The following SHISA9 variants were observed in gnomAD, a reference collection of about 807,000 sequenced individuals.
SHISA9 encodes the protein shisa family member 9.
A neutral mutation model predicts 38.0 loss-of-function variants in SHISA9; 13 were observed. The observed-to-expected ratio is 0.34, with a 90% CI of 0.22 to 0.54. The LOEUF is 0.54. Among genes scored for constraint, SHISA9 ranks in the 20% least tolerant of loss-of-function variants. SHISA9 has a pLI of 0.91. For missense variants in SHISA9, 538 were observed against 575.8 expected, an observed-to-expected ratio of 0.93 and a Z score of 0.67; for synonymous variants, 275 against 242.0, an observed-to-expected ratio of 1.14 and a Z score of -1.27.
chr16:12,910,333 T>C (rs1034609289), intron 1 of SHISA9: 2 of 271,634 alleles, frequency 7.4e-6, no homozygotes, highest in Non-Finnish European at 1.1e-5. Context: ...ATTCATTCGA[T>C]AGGTATTTAC....
chr16:13,216,216 AAT>A (rs201235226), intron 4 of SHISA9, among the ~76,000 whole-genome samples: 4 of 130,222 alleles, frequency 3.1e-5, no homozygotes, highest in Non-Finnish European at 4.8e-5. Flanking sequence ...AGAGAGAGAC[AAT>A]TTGGATATGA....
At position 12,939,849 on chromosome 16, in the gene SHISA9, CTCAT is replaced by C. The variant is rs112184863; in HGVS notation, c.691+23037_691+23040del. ...TTAATGTAAGTTCTCTCCGCAGAAC[CTCAT>C]TCTCTTGAGACAGCAATGCTGAGAA... is the stretch of plus-strand genomic sequence containing the variant. On this transcript the variant is annotated intron_variant, in intron 2 of 4. Transcript: ENST00000558583. 3.9e-3 allele frequency among the ~76,000 whole-genome samples: 592 copies of C among 152,298 alleles called. 4 individuals carry two copies. Among genetic ancestry groups the C allele is most frequent in the African/African-American group, 0.013 (553 of 41,554 alleles).
chr16:12,936,271 G>A (rs1002023766), intron 2 of SHISA9, among the ~76,000 whole-genome samples: 1 of 152,138 alleles, frequency 6.6e-6, no homozygotes, highest in African/African-American at 2.4e-5. Context: ...GCCTTTTGAG[G>A]GTTGCTAGGA....
chr16:13,029,233 C>T (rs1037207378), intron 2 of SHISA9, among the ~76,000 whole-genome samples: 4 of 152,168 alleles, frequency 2.6e-5, no homozygotes, highest in Non-Finnish European at 5.9e-5. Flanking sequence ...TTGGAAGCAA[C>T]CTAAGTGTCC....
rs2051389085 is a variant in SHISA9, at chr16:13,236,779, C to T, written c.*1370C>T. 6.6e-6 allele frequency: 1 copy of T among 152,194 alleles called. No individual in the cohort carries two copies. Among genetic ancestry groups the T allele is most frequent in the Non-Finnish European group, 1.5e-5 (1 of 68,056 alleles). 9.4% of individuals were successfully genotyped at this position (152,194 alleles called of 1,614,324 possible). On this transcript the variant is annotated 3_prime_UTR_variant, in exon 5 of 5. Transcript: ENST00000558583. ...TACTCTCTACACTATCAAAATTAGT[C>T]CTTCCATTTTCTAGCCCTCTCAAAC...
At chr16:13,324,523 A>G in the SHISA9 span, among the ~76,000 whole-genome samples, 1 of 152,166 alleles carries the variant, frequency 6.6e-6, no homozygotes, top group Non-Finnish European at 1.5e-5. Flanking sequence ...ATGTAATATT[A>G]GTTAAGTAAT....
At chr16:13,163,872 G>C (rs1297539595) in intron 2 of SHISA9, among the ~76,000 whole-genome samples, 4 of 151,152 alleles carry the variant, frequency 2.6e-5, no homozygotes, top group Non-Finnish European at 5.9e-5. Flanking sequence ...AGTTGTAATA[G>C]TTTTTTTTTA....
the SHISA9 span, among the ~76,000 whole-genome samples, chr16:13,279,834 A>G: frequency 3.3e-5 from 5 of 151,902 alleles, no homozygotes; most frequent in East Asian, 1.9e-4. Context: ...CTGAAGAATT[A>G]TCTGTTTTAG....
chr16:13,314,662 G>A, the SHISA9 span, among the ~76,000 whole-genome samples: 2 of 151,768 alleles, frequency 1.3e-5, no homozygotes, highest in African/African-American at 4.8e-5. Flanking sequence ...TGAACCCATC[G>A]CCACAATCAA....
At chr16:13,329,937 A>C in the SHISA9 span, among the ~76,000 whole-genome samples, 23 of 152,376 alleles carry the variant, frequency 1.5e-4, no homozygotes, top group South Asian at 2.3e-3. Context: ...ATCGTCCCCC[A>C]GTATCTTTGC....
intron 2 of SHISA9, among the ~76,000 whole-genome samples, chr16:13,050,109 G>A (rs2073233537): frequency 6.6e-6 from 1 of 152,152 alleles, no homozygotes; most frequent in South Asian, 2.1e-4. Flanking sequence ...ATGGAGCGAT[G>A]TCTAGGATAT....
At chr16:13,087,542 A>G (rs1439133814) in intron 2 of SHISA9, among the ~76,000 whole-genome samples, 1 of 152,024 alleles carries the variant, frequency 6.6e-6, no homozygotes, top group Non-Finnish European at 1.5e-5. Context: ...ATGGTATCTC[A>G]TTGTGGTTTT....
At chr16:13,189,045 A>C (rs2050857598) in intron 2 of SHISA9, among the ~76,000 whole-genome samples, 1 of 152,352 alleles carries the variant, frequency 6.6e-6, no homozygotes, top group South Asian at 2.1e-4. Context: ...CCAGGTAACC[A>C]TCAGAAGCTA....
Position 13,038,318 on chromosome 16 carries a change from C to G in SHISA9, c.691+121503C>G, listed in dbSNP as rs1404363271. Among the ~76,000 whole-genome samples the G allele has an allele frequency of 3.9e-5, 6 of 152,318 alleles. No homozygotes were observed. In the South Asian group the frequency reaches 1.2e-3, roughly 32 times the overall value. On this transcript the variant is annotated intron_variant, in intron 2 of 4. Coordinates refer to ENST00000558583, the MANE Select transcript of SHISA9 (RefSeq NM_001145204.3). ...GCTTAATTATTCTGCAGTTTACCTTCTTTTCTCCATCTCTCTCCCTTTCCT... is the reference window on the plus strand; with the variant it reads ...GCTTAATTATTCTGCAGTTTACCTTGTTTTCTCCATCTCTCTCCCTTTCCT...
At chr16:13,416,851 G>T in the SHISA9 span, among the ~76,000 whole-genome samples, 1 of 150,694 alleles carries the variant, frequency 6.6e-6, no homozygotes, top group Non-Finnish European at 1.5e-5. Context: ...AAGAAAGAGA[G>T]GGAAGAAGGG....
chr16:13,554,857 T>G, the SHISA9 span, among the ~76,000 whole-genome samples: 1 of 152,162 alleles, frequency 6.6e-6, no homozygotes, highest in Non-Finnish European at 1.5e-5. Context: ...GGCAGCCATT[T>G]TGAATCATGA....
At chr16:13,132,328 T>C (rs1418164716) in intron 2 of SHISA9, among the ~76,000 whole-genome samples, 1 of 152,180 alleles carries the variant, frequency 6.6e-6, no homozygotes, top group Non-Finnish European at 1.5e-5. Flanking sequence ...TGATACCTAG[T>C]AGATGTTTAC....
the SHISA9 span, among the ~76,000 whole-genome samples, chr16:13,284,419 T>A: frequency 2.6e-5 from 4 of 152,166 alleles, no homozygotes; most frequent in African/African-American, 9.7e-5. Flanking sequence ...TGAATTCAGA[T>A]AGTATCTTTA....
the SHISA9 span, among the ~76,000 whole-genome samples, chr16:13,426,038 C>A: frequency 2.0e-5 from 3 of 152,060 alleles, no homozygotes; most frequent in Non-Finnish European, 4.4e-5. Flanking sequence ...GTTATCTTCC[C>A]CTTTCTGAGC....
Sources: allele counts gnomAD v4.1 joint callset (sites outside exome capture counted in the v4.1 genomes callset), GRCh38; gene constraint gnomAD v4.1.1; transcripts MANE v1.5; gene names NCBI Gene and HGNC (gene_info 2026-07-23, HGNC 2026-07-21).